Variants in TBC1D15 observed in about 807,000 individuals in gnomAD.
TBC1D15 encodes GAP for RAB7.
A neutral mutation model predicts 95.4 loss-of-function variants in TBC1D15; 39 were observed. The observed-to-expected ratio is 0.41, with a 90% CI of 0.32 to 0.53. The LOEUF (loss-of-function observed/expected upper bound fraction) is 0.53. TBC1D15 is among the 20% of genes least tolerant of loss of function. TBC1D15 has a pLI of 0.29. For missense variants in TBC1D15, 733 were observed against 794.3 expected, an observed-to-expected ratio of 0.92 and a Z score of 0.93; for synonymous variants, 258 against 261.3, an observed-to-expected ratio of 0.99 and a Z score of 0.12.
At chr12:71,869,514 CTG>C (rs1286706690) in intron 1 of TBC1D15, among the ~76,000 whole-genome samples, 2 of 152,088 alleles carry the variant, frequency 1.3e-5, no homozygotes, top group African/African-American at 4.8e-5. Context: ...CAGAGCAAAA[CTG>C]TGTCTCAAAA....
At chr12:71,896,591 A>T (rs1280253487) in intron 8 of TBC1D15, 86 bp from the exon 9 acceptor site, 43 of 1,080,932 alleles carry the variant, frequency 4.0e-5, no homozygotes, top group Non-Finnish European at 5.5e-5. Flanking sequence ...CTTAAAGATT[A>T]GTTTTCCTTT....
chr12:71,849,688 G>T lies in TBC1D15; in HGVS notation c.30+9877G>T, dbSNP rs925462999. 5.1e-5 allele frequency: 28 copies of T among 552,548 alleles called. No homozygotes were observed. In the African/African-American group the frequency reaches 5.1e-4, roughly 10 times the overall value. 34.2% of individuals were successfully genotyped at this position (552,548 alleles called of 1,614,324 possible). The stretch of plus-strand genomic sequence containing the variant: ...ATCAGCAACTCTATCTCCTCTGCAT[G>T]GTCAGTCCCAGTACTGCTCTTTTCA... On this transcript the variant is annotated intron_variant, in intron 1 of 16. Coordinates refer to ENST00000485960, the MANE Select transcript of TBC1D15 (RefSeq NM_001146213.3).
chr12:71,901,793 G>A (rs1899450566), intron 10 of TBC1D15, among the ~76,000 whole-genome samples: 1 of 152,000 alleles, frequency 6.6e-6, no homozygotes, highest in African/African-American at 2.4e-5. Context: ...AGGAAGAGAG[G>A]AAGTCACCCT....
chr12:71,855,302 A>G (rs1446385676), intron 1 of TBC1D15, among the ~76,000 whole-genome samples: 2 of 152,206 alleles, frequency 1.3e-5, no homozygotes, highest in Non-Finnish European at 2.9e-5. Context: ...GGGTGGGGAT[A>G]CAGTCAAACC....
intron 1 of TBC1D15, among the ~76,000 whole-genome samples, chr12:71,866,365 A>G (rs1249329215): frequency 6.6e-6 from 1 of 152,194 alleles, no homozygotes; most frequent in Non-Finnish European, 1.5e-5. Flanking sequence ...AGCTGGGGTT[A>G]GTGCCTGTGA....
chr12:71,918,586 T>C, intron 14 of TBC1D15, 38 bp downstream of exon 14: 1 of 1,297,582 alleles, frequency 7.7e-7, no homozygotes, highest in South Asian at 1.3e-5. Context: ...TGATATTTAT[T>C]ATGAAAAGAA....
rs562455822 is a variant in TBC1D15 at position 71,849,259 on chromosome 12, A to G, written c.30+9448A>G. ...GGATACTCCTGCCTGATCCAAGTGCATCAGGTCTGAGACTGTTCTTTGTTC... is the reference window on the plus strand; with the variant it reads ...GGATACTCCTGCCTGATCCAAGTGCGTCAGGTCTGAGACTGTTCTTTGTTC... On this transcript the variant is annotated intron_variant, in intron 1 of 16. Transcript: ENST00000485960. The G allele has an allele frequency of 1.3e-4, 92 of 683,280 alleles. No homozygotes were observed. In the South Asian group the frequency reaches 1.5e-3, roughly 11 times the overall value. 42.3% of individuals were successfully genotyped at this position (683,280 alleles called of 1,614,324 possible).
At chr12:71,906,972 C>T (rs373971725) in intron 10 of TBC1D15, 50 bp from the exon 11 acceptor site, 20 of 1,210,188 alleles carry the variant, frequency 1.7e-5, no homozygotes, top group Non-Finnish European at 2.4e-5. Context: ...AGCTTTATCA[C>T]AATCTGTTTT....
chr12:71,894,477 A>G (rs777020227), intron 6 of TBC1D15: 5 of 1,334,152 alleles, frequency 3.7e-6, no homozygotes, highest in East Asian at 2.3e-5. Context: ...GTCATTTATT[A>G]TGCTATTTTA....
chr12:71,910,370 TTAAAG>T (rs1205594851), intron 11 of TBC1D15, among the ~76,000 whole-genome samples: 2 of 149,932 alleles, frequency 1.3e-5, no homozygotes, highest in African/African-American at 2.5e-5. Context: ...CATATGAACT[TTAAAG>T]TAGTTTTTTC....
At chr12:71,842,830 C>CAAA (rs58842371) in intron 1 of TBC1D15, among the ~76,000 whole-genome samples, 1 of 84,838 alleles carries the variant, frequency 1.2e-5, no homozygotes, top group South Asian at 3.3e-4. Flanking sequence ...GACCCTGTCT[C>CAAA]AAAAAAAAAA....
At chr12:71,874,241 G>A (rs1006784736) in intron 3 of TBC1D15, among the ~76,000 whole-genome samples, 2 of 152,204 alleles carry the variant, frequency 1.3e-5, no homozygotes, top group African/African-American at 4.8e-5. Context: ...ATGGGAGTTA[G>A]GATGTTAATT....
chr12:71,923,489 G>T lies in TBC1D15; in HGVS notation c.*285G>T. 3.3e-6 allele frequency: 1 copy of T among 303,354 alleles called. No homozygotes were observed. Among genetic ancestry groups the T allele is most frequent in the Non-Finnish European group, 6.1e-6 (1 of 162,632 alleles). 18.8% of individuals were successfully genotyped at this position (303,354 alleles called of 1,614,324 possible). A position where few individuals can be genotyped will look rare whatever the true frequency, so the allele number is the denominator to read the frequency against. On this transcript the variant is annotated 3_prime_UTR_variant, in exon 17 of 17. Coordinates refer to ENST00000485960, the MANE Select transcript of TBC1D15 (RefSeq NM_001146213.3). ...CTGGAATTGGATAAATATTGCAAGT[G>T]GATGAGTTGGAAATTATGCACTTTG...
chr12:71,908,224 G>A (rs1480746161), intron 11 of TBC1D15, among the ~76,000 whole-genome samples: 1 of 152,112 alleles, frequency 6.6e-6, no homozygotes, highest in Non-Finnish European at 1.5e-5. Flanking sequence ...TTACCTGGGG[G>A]AGGGACGCTA....
chr12:71,870,638 A>G (rs1342823740), intron 1 of TBC1D15, among the ~76,000 whole-genome samples: 1 of 151,726 alleles, frequency 6.6e-6, no homozygotes, highest in Non-Finnish European at 1.5e-5. Context: ...CTGTTGTCAG[A>G]CTCCTTGGGT....
intron 14 of TBC1D15, among the ~76,000 whole-genome samples, chr12:71,919,676 T>A (rs765512959): frequency 1.3e-5 from 2 of 152,160 alleles, no homozygotes; most frequent in Admixed American, 6.5e-5. Context: ...TTTGTTAAAT[T>A]AGTGTCTTAA....
At chr12:71,906,961 G>A (rs1179971792) in intron 10 of TBC1D15, 61 bp from the exon 11 acceptor site, 6 of 1,065,512 alleles carry the variant, frequency 5.6e-6, no homozygotes, top group Non-Finnish European at 8.3e-6. Flanking sequence ...TGTAAGATGT[G>A]AGCTTTATCA....
chr12:71,851,549 G>A (rs1035226899), intron 1 of TBC1D15, among the ~76,000 whole-genome samples: 4 of 152,202 alleles, frequency 2.6e-5, no homozygotes, highest in Non-Finnish European at 5.9e-5. Context: ...CTGTGAGGCT[G>A]TAAAATGAAA....
chr12:71,903,735 A>G (rs778564371), intron 10 of TBC1D15, among the ~76,000 whole-genome samples: 84 of 152,216 alleles, frequency 5.5e-4, no homozygotes, highest in Non-Finnish European at 1.0e-3. Flanking sequence ...ACTGGAGGCC[A>G]TACTCCTAAG....
Sources: gnomAD v4.1 joint callset for allele counts (sites outside exome capture counted in the v4.1 genomes callset) on GRCh38, gnomAD v4.1.1 for gene constraint, MANE v1.5 for transcripts, NCBI Gene and HGNC (gene_info 2026-07-23, HGNC 2026-07-21) for gene names.